Variants in MYO9B observed in about 807,000 individuals in gnomAD.
MYO9B encodes the protein unconventional myosin-IXb.
Under a neutral mutation model 229.5 loss-of-function variants are expected in MYO9B, and 71 were observed. The ratio of observed to expected loss-of-function variants is 0.31; its 90% CI spans 0.26 to 0.38. The LOEUF (loss-of-function observed/expected upper bound fraction) is 0.38, where lower values mean the gene tolerates loss of function less well. Ranked by LOEUF, MYO9B falls within the 10% of genes least tolerant of loss-of-function variation. MYO9B has a pLI of 1.00. For synonymous variants in MYO9B, 1,185 were observed against 1,235.8 expected (o/e 0.96, Z 0.86); for missense variants, 2,255 against 2,920.5 (o/e 0.77, Z 5.25).
intron 18 of MYO9B, among the ~76,000 whole-genome samples, chr19:17,186,513 C>G (rs548112776): frequency 6.6e-6 from 1 of 152,138 alleles, no homozygotes; most frequent in Non-Finnish European, 1.5e-5. Flanking sequence ...TGTGGGCTCC[C>G]AGACAAATGT....
At chr19:17,178,984 T>G (rs2072822678) in intron 14 of MYO9B, among the ~76,000 whole-genome samples, 1 of 136,396 alleles carries the variant, frequency 7.3e-6, no homozygotes, top group Admixed American at 7.8e-5. Context: ...TGAGCCGAGA[T>G]CACACCACTG....
intron 7 of MYO9B, 64 bp downstream of exon 7, chr19:17,157,102 C>T (rs899570284): frequency 8.3e-6 from 13 of 1,557,750 alleles, no homozygotes; most frequent in Admixed American, 2.0e-5. Flanking sequence ...TCTCTCAGTA[C>T]GAGGGACCAT....
chr19:17,142,166 TA>T (rs374143995), intron 2 of MYO9B, among the ~76,000 whole-genome samples: 155 of 144,764 alleles, frequency 1.1e-3, no homozygotes, highest in Middle Eastern at 3.6e-3. Flanking sequence ...CCCTGCCTTT[TA>T]AAAAAAAAAA....
chr19:17,195,109 G>A lies in MYO9B; in HGVS notation c.3682G>A (p.Gly1228Ser). Reference protein sequence around the residue: ...PTEQPQAMAVGKVSEETEKTL... With the variant: ...PTEQPQAMAVSKVSEETEKTL... Reference sequence around the variant, plus strand: ...AGAGCAACCCCAGGCCATGGCAGTTGGCAAGGTCTCTGAAGAAACTGAGAA... The same window carrying A: ...AGAGCAACCCCAGGCCATGGCAGTTAGCAAGGTCTCTGAAGAAACTGAGAA... Residue 1228 changes from glycine (G) to serine (S), a missense_variant, in exon 22 of 40, where the codon GGC becomes AGC. Transcript: ENST00000682292. The surrounding 1 kb of genome is among the most constrained non-coding windows in gnomAD (Gnocchi z 4.5). 1 of 1,612,686 alleles carries A rather than the reference G, an allele frequency of 6.2e-7. No homozygotes were observed.
intron 14 of MYO9B, among the ~76,000 whole-genome samples, chr19:17,176,701 G>A (rs1435448917): frequency 1.3e-5 from 2 of 152,144 alleles, no homozygotes; most frequent in African/African-American, 4.8e-5. Context: ...ATGGTGGTGC[G>A]GAGAGACGGG....
intron 19 of MYO9B, among the ~76,000 whole-genome samples, chr19:17,190,108 G>A (rs1241514117): frequency 1.3e-5 from 2 of 151,710 alleles, no homozygotes; most frequent in Non-Finnish European, 1.5e-5. Context: ...ACCTGGCATG[G>A]TGGCTCACAC....
intron 19 of MYO9B, among the ~76,000 whole-genome samples, chr19:17,188,417 A>C (rs2145431770): frequency 7.3e-6 from 1 of 137,510 alleles, no homozygotes; most frequent in South Asian, 2.4e-4. Flanking sequence ...CAACAGAGCA[A>C]GACTCCATCT....
In MYO9B at chr19:17,081,969, T is replaced by C. The variant is rs1043713939; in HGVS notation, c.-59+6095T>C. 3.9e-5 allele frequency among the ~76,000 whole-genome samples: 6 copies of C among 152,140 alleles called. 1 individual carries two copies. Among genetic ancestry groups the C allele is most frequent in the Admixed American group, 3.9e-4 (6 of 15,272 alleles). On this transcript the variant is annotated intron_variant, in intron 1 of 39. Transcript: ENST00000682292. ...ACAAACAGGGCATGGGGCGGGGGTA[T>C]ATCTCTGTTCTCAGTATTGCCAGGG...
At chr19:17,124,016 G>C (rs1483991754) in intron 2 of MYO9B, among the ~76,000 whole-genome samples, 3 of 151,942 alleles carry the variant, frequency 2.0e-5, no homozygotes, top group Admixed American at 2.0e-4. Context: ...CTCCCAAGCA[G>C]CTAGGATTAC....
chr19:17,108,136 A>G (rs1018151167), intron 2 of MYO9B, among the ~76,000 whole-genome samples: 17 of 152,204 alleles, frequency 1.1e-4, no homozygotes, highest in African/African-American at 3.1e-4. Flanking sequence ...TTCAACAGCC[A>G]TTAGTCACCC....
intron 2 of MYO9B, among the ~76,000 whole-genome samples, chr19:17,123,726 A>G (rs1203195218): frequency 1.3e-5 from 2 of 152,058 alleles, no homozygotes; most frequent in African/African-American, 4.8e-5. Context: ...AAAAATTCTA[A>G]AAGATACAAG....
intron 2 of MYO9B, among the ~76,000 whole-genome samples, chr19:17,118,726 G>A (rs1026962672): frequency 2.0e-5 from 3 of 152,156 alleles, no homozygotes; most frequent in Admixed American, 6.5e-5. Context: ...CAGGTGATCC[G>A]CCCACCTTGG....
At chr19:17,207,289 C>G in intron 35 of MYO9B, 45 bp downstream of exon 35, 1 of 1,570,844 alleles carries the variant, frequency 6.4e-7, no homozygotes, top group Non-Finnish European at 8.6e-7. Flanking sequence ...GGCAGCCCCA[C>G]CCAGGACCCC....
chr19:17,172,893 T>A lies in MYO9B; in HGVS notation c.2070T>A (p.Ala690=), dbSNP rs1157270538. 6.2e-7 allele frequency: 1 copy of A among 1,603,192 alleles called. No individual in the cohort carries two copies. Among genetic ancestry groups the A allele is most frequent in the South Asian group, 1.1e-5 (1 of 91,070 alleles). Reference sequence around the variant, plus strand: ...TGTTCCGCTGGGCCGTGCTCCGGGCTGCTATCCGGGCCATGGCAGTGCTTC... The same window carrying A: ...TGTTCCGCTGGGCCGTGCTCCGGGCAGCTATCCGGGCCATGGCAGTGCTTC... ...VAVFRWAVLR[A]AIRAMAVLRE... The change falls in exon 13 of 40, where the codon GCT becomes GCA. Residue 690 remains alanine, a synonymous_variant. Coordinates refer to ENST00000682292, the MANE Select transcript of MYO9B (RefSeq NM_004145.4). The surrounding 1 kb of genome is among the most constrained non-coding windows in gnomAD (Gnocchi z 8.2).
At position 17,123,399 on chromosome 19, in the gene MYO9B, G is replaced by A. The variant is rs547864954; in HGVS notation, c.840+20842G>A. On this transcript the variant is annotated intron_variant, in intron 2 of 39. Coordinates refer to ENST00000682292, the MANE Select transcript of MYO9B (RefSeq NM_004145.4). ...GAATATCTATGCACCAAACAACATA[G>A]CCACTGCCTTTATACAGTAGAAATT... 3.3e-5 allele frequency among the ~76,000 whole-genome samples: 5 copies of A among 150,796 alleles called. No homozygotes were observed. In the South Asian group the frequency reaches 6.3e-4, roughly 19 times the overall value.
chr19:17,143,409 G>A (rs1469601110), intron 2 of MYO9B, among the ~76,000 whole-genome samples: 2 of 152,166 alleles, frequency 1.3e-5, no homozygotes, highest in African/African-American at 2.4e-5. Context: ...CCTCAAAGCC[G>A]AGAAGGAGGG....
chr19:17,195,150 G>T lies in MYO9B; in HGVS notation c.3723G>T (p.Gly1241=). The change falls in exon 22 of 40, where the codon GGG becomes GGT. Residue 1241 remains glycine (G), a synonymous_variant. Coordinates refer to ENST00000682292, the MANE Select transcript of MYO9B (RefSeq NM_004145.4). This position sits in a 1 kb window ranked among gnomAD's most constrained non-coding sequence, Gnocchi z 4.5. ...SEETEKTLPS[G]SPRPGQLERP... ...AAACTGAGAAGACGCTGCCCAGTGG[G>T]AGCCCCAGGCCTGGCCAGTTGGAGC... The T allele has an allele frequency of 3.1e-6, 5 of 1,611,238 alleles. No homozygotes were observed. Among genetic ancestry groups the T allele is most frequent in the Non-Finnish European group, 3.4e-6 (4 of 1,179,272 alleles).
In MYO9B at chr19:17,172,842, G is replaced by A; in HGVS notation, c.2019G>A (p.Glu673=). The A allele has an allele frequency of 6.2e-7, 1 of 1,611,394 alleles. No individual in the cohort carries two copies. The highest frequency in any genetic ancestry group is 8.5e-7 in the Non-Finnish European group (1 of 1,179,826). ...GCAGTGACAGCTCCTACGTGCGGGA[G>A]CTCATCGGCATGGACCCCGTGGCCG... ...LRGSDSSYVR[E]LIGMDPVAVF... is the part of the protein sequence containing the mutation. The change falls in exon 13 of 40, where the codon GAG becomes GAA. Residue 673 remains glutamate, a synonymous_variant. Transcript: ENST00000682292. This position sits in a 1 kb window ranked among gnomAD's most constrained non-coding sequence, Gnocchi z 8.2.
At chr19:17,162,319 C>A in intron 8 of MYO9B, 31 bp from the exon 9 acceptor site, 1 of 1,522,772 alleles carries the variant, frequency 6.6e-7, no homozygotes, top group Non-Finnish European at 8.9e-7. Flanking sequence ...CCTGCCGTGC[C>A]GGAGGTGAGT....
Sources: allele counts gnomAD v4.1 joint callset (sites outside exome capture counted in the v4.1 genomes callset), GRCh38; gene constraint gnomAD v4.1.1; non-coding constraint Gnocchi (gnomAD v3.1); transcripts MANE v1.5; gene names NCBI Gene and HGNC (gene_info 2026-07-23, HGNC 2026-07-21).